Variants in ATP1B1 observed in about 807,000 individuals in gnomAD.
The protein encoded by ATP1B1 is ATPase Na+/K+ transporting subunit beta 1, also known as sodium/potassium-transporting ATPase subunit beta-1.
In ATP1B1, 3 loss-of-function variants were observed where a neutral mutation model predicts 39.6. The observed-to-expected ratio is 0.08, with a 90% CI of 0.03 to 0.20. The LOEUF (loss-of-function observed/expected upper bound fraction) is 0.20. Ranked by LOEUF, ATP1B1 falls within the 10% of genes least tolerant of loss-of-function variation. ATP1B1 has a pLI of 1.00. For missense variants in ATP1B1, 216 were observed against 371.1 expected (o/e 0.58, Z 3.43); for synonymous variants, 139 against 135.0 (o/e 1.03, Z -0.20).
chr1:169,110,845 C>T, intron 1 of ATP1B1: 1 of 440,376 alleles, frequency 2.3e-6, no homozygotes, highest in South Asian at 2.3e-5. Context: ...CTGGGTTTCT[C>T]AGGATTCATT....
intron 1 of ATP1B1, chr1:169,110,720 C>CTA: frequency 7.9e-7 from 1 of 1,265,566 alleles, no homozygotes; most frequent in Non-Finnish European, 1.0e-6. Flanking sequence ...GTCATTTTCA[C>CTA]TATAGAATTT....
chr1:169,111,457 G>T lies in ATP1B1; in HGVS notation c.185G>T (p.Ser62Ile). Residue 62 changes from serine (S) to isoleucine (I), a missense_variant, in exon 2 of 6, where the codon AGT (serine) becomes ATT (isoleucine). By Grantham distance (142) the Ser-to-Ile change is moderately radical. Coordinates refer to ENST00000367815, the MANE Select transcript of ATP1B1 (RefSeq NM_001677.4). ...GTIQVMLLTI[S>I]EFKPTYQDRV... is the part of the protein sequence containing the mutation. ...ATCCAAGTGATGCTGCTCACCATCA[G>T]TGAATTTAAGCCCACATATCAGGAC... 6.2e-7 allele frequency: 1 copy of T among 1,614,224 alleles called. No individual in the cohort carries two copies. The highest frequency in any genetic ancestry group is 8.5e-7 in the Non-Finnish European group (1 of 1,180,032).
chr1:169,120,243 C>T (rs1034067692), intron 2 of ATP1B1, among the ~76,000 whole-genome samples: 3 of 152,162 alleles, frequency 2.0e-5, no homozygotes, highest in African/African-American at 7.2e-5. Flanking sequence ...GCCTCCTGGA[C>T]ATTTGTTTAT....
intron 1 of ATP1B1, chr1:169,110,812 A>G (rs1487129597): frequency 3.3e-6 from 2 of 603,712 alleles, no homozygotes. Context: ...AGTGATAGTA[A>G]AAAAAACAGG....
At chr1:169,110,566 T>TC in intron 1 of ATP1B1, 2 of 811,966 alleles carry the variant, frequency 2.5e-6, no homozygotes, top group Non-Finnish European at 3.2e-6. Flanking sequence ...ATGTGTTGAG[T>TC]CTTTTTTTTT....
At chr1:169,116,754 G>A (rs1050939936) in intron 2 of ATP1B1, among the ~76,000 whole-genome samples, 3 of 151,984 alleles carry the variant, frequency 2.0e-5, no homozygotes, top group Non-Finnish European at 2.9e-5. Flanking sequence ...GGGAGGCTGA[G>A]GCAGGAGAAT....
At chr1:169,113,589 G>A (rs188336675) in intron 2 of ATP1B1, among the ~76,000 whole-genome samples, 142 of 152,272 alleles carry the variant, frequency 9.3e-4, no homozygotes, top group Middle Eastern at 3.4e-3. Context: ...TGTAAGTAAG[G>A]ACTTGGAAAT....
intron 2 of ATP1B1, among the ~76,000 whole-genome samples, chr1:169,117,577 G>GA (rs146100522): frequency 0.075 from 11,131 of 148,408 alleles, 435 homozygotes; most frequent in African/African-American, 0.095. Context: ...GATGGTGGGG[G>GA]AAAAAAAAAA....
intron 4 of ATP1B1, among the ~76,000 whole-genome samples, chr1:169,129,290 G>A (rs1401510542): frequency 6.6e-6 from 1 of 152,144 alleles, no homozygotes; most frequent in African/African-American, 2.4e-5. Flanking sequence ...GTCTTCCAGC[G>A]AAGTATGTTC....
At chr1:169,118,427 C>T (rs3766034) in intron 2 of ATP1B1, among the ~76,000 whole-genome samples, 10,513 of 152,240 alleles carry the variant, frequency 0.069, 1,249 homozygotes, top group East Asian at 0.59. Context: ...TTGCTAATCT[C>T]AGAGCCTGAG....
intron 2 of ATP1B1, among the ~76,000 whole-genome samples, chr1:169,116,564 T>G (rs775337369): frequency 1.3e-5 from 2 of 151,988 alleles, no homozygotes; most frequent in Admixed American, 6.6e-5. Flanking sequence ...TTAAAACTCA[T>G]TAGGGGCCTG....
rs1465128298 is a variant in ATP1B1, at chr1:169,106,872, T to A, written c.43T>A (p.Phe15Ile). Residue 15 changes from phenylalanine (F) to isoleucine (I), a missense_variant, in exon 1 of 6, where the codon TTC (phenylalanine) becomes ATC (isoleucine). Phe to Ile is a conservative substitution (Grantham distance 21). Coordinates refer to ENST00000367815, the MANE Select transcript of ATP1B1 (RefSeq NM_001677.4). Reference protein sequence around the residue: ...KAKEEGSWKKFIWNSEKKEFL... With the variant: ...KAKEEGSWKKIIWNSEKKEFL... ...CAAGGAGGAGGGCAGCTGGAAGAAA[T>A]TCATCTGGAACTCAGAGAAGAAGGA... The A allele has an allele frequency of 1.3e-6, 2 of 1,586,752 alleles. No homozygotes were observed. The highest frequency in any genetic ancestry group is 2.3e-5 in the South Asian group (2 of 88,132).
At chr1:169,121,097 G>A (rs919213771) in intron 2 of ATP1B1, among the ~76,000 whole-genome samples, 1 of 151,976 alleles carries the variant, frequency 6.6e-6, no homozygotes, top group Non-Finnish European at 1.5e-5. Flanking sequence ...ACAGGCATGT[G>A]CTACTATGCC....
intron 1 of ATP1B1, among the ~76,000 whole-genome samples, chr1:169,108,958 G>A (rs1167991040): frequency 2.0e-5 from 3 of 152,192 alleles, no homozygotes; most frequent in African/African-American, 4.8e-5. Context: ...CGTCTCCTAC[G>A]GAGAAAATGC....
At chr1:169,125,105 C>T (rs1355593052) in intron 3 of ATP1B1, 66 bp downstream of exon 3, 1 of 1,486,394 alleles carries the variant, frequency 6.7e-7, no homozygotes, top group Non-Finnish European at 9.0e-7. Context: ...TTTCCCACTT[C>T]TATTTTTTGT....
intron 1 of ATP1B1, among the ~76,000 whole-genome samples, chr1:169,109,866 C>T (rs1657690577): frequency 6.6e-6 from 1 of 152,070 alleles, no homozygotes; most frequent in African/African-American, 2.4e-5. Context: ...TAGGAGCATT[C>T]ACTGGAAAAA....
intron 4 of ATP1B1, among the ~76,000 whole-genome samples, chr1:169,127,923 T>C (rs1658123645): frequency 6.6e-6 from 1 of 152,218 alleles, no homozygotes; most frequent in Non-Finnish European, 1.5e-5. Flanking sequence ...TGAATTTTAT[T>C]GCGGAAGTAG....
Position 169,131,190 on chromosome 1 carries a change from T to A in ATP1B1, c.649-102T>A. 7.2e-7 allele frequency: 1 copy of A among 1,396,118 alleles called. No homozygotes were observed. Among genetic ancestry groups the A allele is most frequent in the Non-Finnish European group, 9.9e-7 (1 of 1,015,196 alleles). The allele number at this position is 1,396,118 out of a possible 1,614,324, so 86.5% of individuals were successfully genotyped here. On this transcript the variant is annotated intron_variant, in intron 5 of 5. Coordinates refer to ENST00000367815, the MANE Select transcript of ATP1B1 (RefSeq NM_001677.4). This position sits in a 1 kb window ranked among gnomAD's most constrained non-coding sequence, Gnocchi z 4.4. ...GACTGAGTAGATGTTCTTTCCTCTC[T>A]CAGTAGTTTGCAAACTACTGTGTAG...
At chr1:169,127,946 A>G (rs536593600) in intron 4 of ATP1B1, among the ~76,000 whole-genome samples, 2 of 152,282 alleles carry the variant, frequency 1.3e-5, no homozygotes, top group Non-Finnish European at 2.9e-5. Flanking sequence ...GTTTAACATC[A>G]TCTAGGCTGA....
Sources: gnomAD v4.1 joint callset for allele counts (sites outside exome capture counted in the v4.1 genomes callset) on GRCh38, gnomAD v4.1.1 for gene constraint, Gnocchi (gnomAD v3.1) non-coding constraint, MANE v1.5 for transcripts, NCBI Gene and HGNC (gene_info 2026-07-23, HGNC 2026-07-21) for gene names.